Variants in FBXL7 observed in about 807,000 individuals in gnomAD.
FBXL7 encodes F-box/LRR-repeat protein 7.
FBXL7 carries 12 observed loss-of-function variants against 38.3 expected under a neutral mutation model. The observed-to-expected ratio is 0.31, with a 90% CI of 0.20 to 0.51. FBXL7 has a LOEUF of 0.51. Among genes scored for constraint, FBXL7 ranks in the 20% least tolerant of loss-of-function variants. The pLI is 0.98. For missense variants in FBXL7, 567 were observed against 676.4 expected (o/e 0.84, Z 1.79); for synonymous variants, 297 against 300.9 (o/e 0.99, Z 0.13).
At chr5:15,876,600 T>C (rs1740218001) in intron 2 of FBXL7, among the ~76,000 whole-genome samples, 2 of 152,182 alleles carry the variant, frequency 1.3e-5, no homozygotes, top group Non-Finnish European at 2.9e-5. Context: ...ACTTAGAAAC[T>C]CTACCAGTTA....
At chr5:15,641,999 A>G (rs761684513) in intron 2 of FBXL7, among the ~76,000 whole-genome samples, 31 of 143,690 alleles carry the variant, frequency 2.2e-4, no homozygotes, top group Non-Finnish European at 4.1e-4. Flanking sequence ...TATTGGTTCT[A>G]TTTCTCTGCA....
In FBXL7 at chr5:15,765,275, G is replaced by A. The variant is rs924240038; in HGVS notation, c.127+149203G>A. ...TCCTTTATGATCTTGGTACTGAGAC[G>A]TACATGAGTGAACATGGATGACATT... On this transcript the variant is annotated intron_variant, in intron 2 of 3. Transcript: ENST00000504595. Among the ~76,000 whole-genome samples, 11 of 152,178 alleles carry A rather than the reference G, an allele frequency of 7.2e-5. No individual in the cohort carries two copies. In the East Asian group the frequency reaches 7.8e-4, roughly 11 times the overall value.
chr5:15,728,534 A>T (rs548284069), intron 2 of FBXL7, among the ~76,000 whole-genome samples: 1 of 152,302 alleles, frequency 6.6e-6, no homozygotes, highest in African/African-American at 2.4e-5. Flanking sequence ...AGATATGGCT[A>T]TTGGAAAGAA....
At chr5:15,764,797 AT>A (rs1268077825) in intron 2 of FBXL7, among the ~76,000 whole-genome samples, 1 of 152,246 alleles carries the variant, frequency 6.6e-6, no homozygotes. Context: ...AATGCTGGGC[AT>A]ATTGTAAATT....
At chr5:15,862,586 G>T (rs1739523728) in intron 2 of FBXL7, among the ~76,000 whole-genome samples, 1 of 152,196 alleles carries the variant, frequency 6.6e-6, no homozygotes, top group South Asian at 2.1e-4. Context: ...AGTACCTGAG[G>T]TTCACAGCTA....
At chr5:15,924,737 G>A (rs967120364) in intron 2 of FBXL7, among the ~76,000 whole-genome samples, 6 of 149,388 alleles carry the variant, frequency 4.0e-5, no homozygotes, top group South Asian at 2.1e-4. Context: ...AAAAATTCAC[G>A]TGCCTCACCC....
At chr5:15,757,937 G>A (rs998575445) in intron 2 of FBXL7, among the ~76,000 whole-genome samples, 1 of 152,034 alleles carries the variant, frequency 6.6e-6, no homozygotes, top group Non-Finnish European at 1.5e-5. Context: ...TTACAGATGA[G>A]CCCAAATGGT....
intron 2 of FBXL7, among the ~76,000 whole-genome samples, chr5:15,729,204 C>T (rs142863512): frequency 4.6e-5 from 7 of 152,216 alleles, no homozygotes; most frequent in East Asian, 3.9e-4. Flanking sequence ...TTTTGTTTCT[C>T]GTGGACTATT....
At chr5:15,589,130 C>T (rs972085598) in intron 1 of FBXL7, among the ~76,000 whole-genome samples, 7 of 152,166 alleles carry the variant, frequency 4.6e-5, no homozygotes, top group Admixed American at 3.3e-4. Flanking sequence ...CCTGACCCAG[C>T]GTCTAGTAAC....
chr5:15,545,990 C>G (rs1445125342), intron 1 of FBXL7, among the ~76,000 whole-genome samples: 2 of 152,108 alleles, frequency 1.3e-5, no homozygotes, highest in Non-Finnish European at 2.9e-5. Context: ...AATACACACA[C>G]TGGATTTTCA....
chr5:15,652,820 C>A (rs1032117615), intron 2 of FBXL7, among the ~76,000 whole-genome samples: 2 of 152,138 alleles, frequency 1.3e-5, no homozygotes, highest in Admixed American at 1.3e-4. Flanking sequence ...TATTTGATAG[C>A]CCAACAGGGT....
At chr5:15,843,852 A>G (rs907703441) in intron 2 of FBXL7, among the ~76,000 whole-genome samples, 8 of 151,420 alleles carry the variant, frequency 5.3e-5, no homozygotes, top group Non-Finnish European at 8.8e-5. Context: ...ATTAAGCTAT[A>G]CTATATATAT....
chr5:15,733,865 T>C (rs557165655), intron 2 of FBXL7, among the ~76,000 whole-genome samples: 24 of 152,300 alleles, frequency 1.6e-4, no homozygotes, highest in Admixed American at 1.1e-3. Context: ...TCCCAGCACG[T>C]TGGGAGGCCG....
chr5:15,573,634 T>C (rs1035504173), intron 1 of FBXL7, among the ~76,000 whole-genome samples: 4 of 152,166 alleles, frequency 2.6e-5, no homozygotes, highest in South Asian at 2.1e-4. Context: ...AAAAAGATGT[T>C]CTTGTTAAGC....
intron 2 of FBXL7, among the ~76,000 whole-genome samples, chr5:15,774,511 C>T (rs1029451064): frequency 1.3e-5 from 2 of 152,116 alleles, no homozygotes; most frequent in Non-Finnish European, 2.9e-5. Flanking sequence ...GGCCTTGGTC[C>T]TCAGAATCTG....
intron 2 of FBXL7, among the ~76,000 whole-genome samples, chr5:15,858,688 T>C (rs1452439630): frequency 6.6e-6 from 1 of 152,162 alleles, no homozygotes; most frequent in African/African-American, 2.4e-5. Flanking sequence ...CAAATGTTAG[T>C]TTTTTGTTGA....
chr5:15,835,380 T>G (rs996551030), intron 2 of FBXL7, among the ~76,000 whole-genome samples: 1 of 152,164 alleles, frequency 6.6e-6, no homozygotes, highest in Admixed American at 6.5e-5. Context: ...AAAATCTTAT[T>G]TAGAATTATA....
intron 2 of FBXL7, among the ~76,000 whole-genome samples, chr5:15,841,385 A>T (rs1352023198): frequency 1.3e-5 from 2 of 152,172 alleles, no homozygotes; most frequent in Non-Finnish European, 2.9e-5. Context: ...TTCTATTATA[A>T]ATGAGTGTTT....
At chr5:15,692,589 TA>T (rs1743217612) in intron 2 of FBXL7, among the ~76,000 whole-genome samples, 1 of 152,172 alleles carries the variant, frequency 6.6e-6, no homozygotes, top group African/African-American at 2.4e-5. Flanking sequence ...ATTCTGATGA[TA>T]GAGTTTTTAC....
Sources: allele counts gnomAD v4.1 joint callset (sites outside exome capture counted in the v4.1 genomes callset), GRCh38; gene constraint gnomAD v4.1.1; transcripts MANE v1.5; gene names NCBI Gene and HGNC (gene_info 2026-07-23, HGNC 2026-07-21).